Variants in CAMK4 observed in about 807,000 individuals in gnomAD.
CAMK4 encodes the protein calcium/calmodulin dependent protein kinase IV.
CAMK4 carries 22 observed loss-of-function variants against 44.9 expected under a neutral mutation model. That is an observed-to-expected ratio of 0.49 (90% CI 0.35 to 0.70). The LOEUF (loss-of-function observed/expected upper bound fraction) is 0.70. Ranked by LOEUF, CAMK4 falls within the 30% of genes least tolerant of loss-of-function variation. CAMK4 has a pLI of 0.01. For synonymous variants in CAMK4, 218 were observed against 215.4 expected (o/e 1.01, Z -0.11); for missense variants, 498 against 586.8 (o/e 0.85, Z 1.56).
chr5:111,470,647 G>GA, intron 7 of CAMK4, among the ~76,000 whole-genome samples: 1 of 152,170 alleles, frequency 6.6e-6, no homozygotes, highest in Middle Eastern at 3.4e-3. Flanking sequence ...ATTATTAACT[G>GA]AAAAAACAAT....
At position 111,267,968 on chromosome 5, in the gene CAMK4, C is replaced by A. The variant is rs187669247; in HGVS notation, c.161+43324C>A. Reference sequence around the variant, plus strand: ...ACTGATTAGTTGAAGTGATTTTTTTCTCACTATGCCTTTCTCTATACTTGA... The same window carrying A: ...ACTGATTAGTTGAAGTGATTTTTTTATCACTATGCCTTTCTCTATACTTGA... On this transcript the variant is annotated intron_variant, in intron 1 of 10. Coordinates refer to ENST00000282356, the MANE Select transcript of CAMK4 (RefSeq NM_001744.6). 2.4e-4 allele frequency among the ~76,000 whole-genome samples: 36 copies of A among 152,170 alleles called. No homozygotes were observed. In the East Asian group the frequency reaches 6.6e-3, roughly 28 times the overall value.
intron 1 of CAMK4, among the ~76,000 whole-genome samples, chr5:111,327,084 T>G (rs1053623700): frequency 6.6e-6 from 1 of 151,940 alleles, no homozygotes; most frequent in African/African-American, 2.4e-5. Flanking sequence ...TGTATACATG[T>G]GCCATGCTGG....
intron 1 of CAMK4, among the ~76,000 whole-genome samples, chr5:111,338,550 T>G (rs1749506498): frequency 6.6e-6 from 1 of 151,460 alleles, no homozygotes; most frequent in Non-Finnish European, 1.5e-5. Context: ...AAGGCCAATG[T>G]CCAGAAAGGT....
chr5:111,327,488 TA>T, intron 1 of CAMK4, among the ~76,000 whole-genome samples: 1 of 152,214 alleles, frequency 6.6e-6, no homozygotes. Flanking sequence ...TGTGTCTTTA[TA>T]GCAGCATGAT....
chr5:111,404,421 A>T (rs1466675035), intron 5 of CAMK4, among the ~76,000 whole-genome samples: 1 of 152,200 alleles, frequency 6.6e-6, no homozygotes, highest in Non-Finnish European at 1.5e-5. Flanking sequence ...ACAGGGGCTG[A>T]GGGTCAGTTA....
chr5:111,332,793 C>T (rs895185980), intron 1 of CAMK4, among the ~76,000 whole-genome samples: 3 of 151,480 alleles, frequency 2.0e-5, no homozygotes, highest in Non-Finnish European at 4.4e-5. Flanking sequence ...TTCCCATAGA[C>T]AGCAGGAAAA....
chr5:111,330,663 A>G (rs1453922699), intron 1 of CAMK4, among the ~76,000 whole-genome samples: 2 of 151,722 alleles, frequency 1.3e-5, no homozygotes, highest in Non-Finnish European at 2.9e-5. Context: ...ATACTATACC[A>G]TTTTATATAA....
Position 111,289,866 on chromosome 5 carries a change from C to T in CAMK4, c.162-54158C>T, listed in dbSNP as rs567429778. 3.3e-5 allele frequency among the ~76,000 whole-genome samples: 5 copies of T among 152,332 alleles called. No homozygotes were observed. The East Asian group carries it at 7.7e-4, about 23-fold the overall frequency. ...ATGCTAGCTCTCAGGGTTGATTACT[C>T]CTCATAATACAGTAACTCATTTCTT... On this transcript the variant is annotated intron_variant, in intron 1 of 10. Coordinates refer to ENST00000282356, the MANE Select transcript of CAMK4 (RefSeq NM_001744.6).
At chr5:111,395,211 CAAAAAAAAAAAAAAAAG>C (rs1418963982) in intron 5 of CAMK4, among the ~76,000 whole-genome samples, 2 of 90,680 alleles carry the variant, frequency 2.2e-5, no homozygotes. Flanking sequence ...GACCCTGTCT[CAAAAAAAAAAAAAAAAG>C]AAAAAAAAAA....
chr5:111,261,419 T>TCTA (rs1353721983), intron 1 of CAMK4, among the ~76,000 whole-genome samples: 2 of 152,190 alleles, frequency 1.3e-5, no homozygotes, highest in Non-Finnish European at 2.9e-5. Context: ...GCAGCTGGGC[T>TCTA]CTACTCCTTC....
intron 4 of CAMK4, among the ~76,000 whole-genome samples, chr5:111,377,632 A>G (rs1469608466): frequency 1.3e-5 from 2 of 152,146 alleles, no homozygotes; most frequent in African/African-American, 4.8e-5. Flanking sequence ...CCACCCTCTT[A>G]GGAGAATTCT....
At chr5:111,332,483 T>G (rs895035182) in intron 1 of CAMK4, among the ~76,000 whole-genome samples, 10 of 151,598 alleles carry the variant, frequency 6.6e-5, no homozygotes, top group Admixed American at 6.6e-5. Flanking sequence ...CTATCATTGT[T>G]GGACATTTGG....
chr5:111,241,899 A>C (rs1749009239), intron 1 of CAMK4, among the ~76,000 whole-genome samples: 2 of 152,324 alleles, frequency 1.3e-5, no homozygotes, highest in Admixed American at 6.5e-5. Context: ...GCCTGAAGTC[A>C]GGTCTGTTTC....
intron 1 of CAMK4, among the ~76,000 whole-genome samples, chr5:111,253,926 T>C (rs2112546416): frequency 6.6e-6 from 1 of 152,334 alleles, no homozygotes; most frequent in South Asian, 2.1e-4. Flanking sequence ...TTCAATTATT[T>C]AAATTATAAA....
intron 1 of CAMK4, among the ~76,000 whole-genome samples, chr5:111,284,503 G>A (rs953271355): frequency 3.3e-5 from 5 of 151,994 alleles, no homozygotes; most frequent in Non-Finnish European, 7.4e-5. Context: ...TACAAACTTG[G>A]TCCCAGACAC....
intron 1 of CAMK4, among the ~76,000 whole-genome samples, chr5:111,240,027 C>T (rs561828663): frequency 6.6e-6 from 1 of 152,300 alleles, no homozygotes; most frequent in South Asian, 2.1e-4. Context: ...AGATTTTCCA[C>T]ATCTGCAGAC....
chr5:111,421,885 A>C (rs1031604130), intron 5 of CAMK4, among the ~76,000 whole-genome samples: 3 of 152,180 alleles, frequency 2.0e-5, no homozygotes, highest in African/African-American at 4.8e-5. Context: ...ATAGTGAATA[A>C]GTCTCACGAA....
intron 1 of CAMK4, among the ~76,000 whole-genome samples, chr5:111,262,916 G>T (rs371002839): frequency 1.3e-5 from 2 of 152,250 alleles, no homozygotes; most frequent in South Asian, 2.1e-4. Context: ...AGATACTTTG[G>T]TTTGATTGGT....
chr5:111,338,290 AT>A (rs1749493531), intron 1 of CAMK4, among the ~76,000 whole-genome samples: 1 of 151,188 alleles, frequency 6.6e-6, no homozygotes, highest in African/African-American at 2.4e-5. Flanking sequence ...ATACATTATT[AT>A]TAACTATATT....
Sources: allele counts gnomAD v4.1 joint callset (sites outside exome capture counted in the v4.1 genomes callset), GRCh38; gene constraint gnomAD v4.1.1; transcripts MANE v1.5; gene names NCBI Gene and HGNC (gene_info 2026-07-23, HGNC 2026-07-21).